FHIT: variants seen among roughly 807,000 people sequenced by gnomAD.
FHIT encodes bis(5'-adenosyl)-triphosphatase.
FHIT carries 19 observed loss-of-function variants against 17.9 expected under a neutral mutation model. The observed-to-expected ratio is 1.06, with a 90% CI of 0.74 to 1.56. FHIT has a LOEUF of 1.56. FHIT is among the 40% of genes most tolerant of loss of function. FHIT has a pLI of 0.00. For missense variants in FHIT, 248 were observed against 189.2 expected (o/e 1.31, Z -1.82); for synonymous variants, 81 against 69.7 (o/e 1.16, Z -0.81).
Position 60,371,178 on chromosome 3 carries a change from C to T in FHIT, c.103+165682G>A, listed in dbSNP as rs187029171. ...CTCTATTTGAAATGATCCATTTGTC[C>T]TCTATTAGACTGTAAATTCCCTATG... On this transcript the variant is annotated intron_variant, in intron 5 of 9. Coordinates refer to ENST00000492590, the MANE Select transcript of FHIT (RefSeq NM_002012.4). Among the ~76,000 whole-genome samples the T allele has an allele frequency of 1.5e-4, 23 of 152,224 alleles. 1 individual carries two copies. Among genetic ancestry groups the T allele is most frequent in the Admixed American group, 1.4e-3 (22 of 15,292 alleles).
intron 5 of FHIT, among the ~76,000 whole-genome samples, chr3:60,400,387 T>C (rs1329162903): frequency 1.3e-5 from 2 of 152,104 alleles, no homozygotes; most frequent in Non-Finnish European, 1.5e-5. Context: ...TATAAGAGGG[T>C]GGCCAAGTTC....
At chr3:60,201,419 G>C (rs1702900830) in intron 5 of FHIT, among the ~76,000 whole-genome samples, 1 of 151,984 alleles carries the variant, frequency 6.6e-6, no homozygotes, top group South Asian at 2.1e-4. Context: ...AGGCTCAAGT[G>C]ATCCTCCCAC....
At position 60,066,630 on chromosome 3, in the gene FHIT, A is replaced by ATTTTTTTTTTTTTTTTTTTTTTTTTTTTT. The variant is rs71089574; in HGVS notation, c.104-52507_104-52479dup. ...ATAGGTTGATTTTAATCCCTGACAA[A>ATTTTTTTTTTTTTTTTTTTTTTTTTTTTT]TTTTTTTTTTTTTTTTTTTTTTTTT... On this transcript the variant is annotated intron_variant, in intron 5 of 9. Transcript: ENST00000492590. Among the ~76,000 whole-genome samples, 3 of 51,374 alleles carry ATTTTTTTTTTTTTTTTTTTTTTTTTTTTT rather than the reference A, an allele frequency of 5.8e-5. 1 individual carries two copies. Among genetic ancestry groups the ATTTTTTTTTTTTTTTTTTTTTTTTTTTTT allele is most frequent in the Non-Finnish European group, 1.1e-4 (3 of 27,690 alleles). The allele number at this position is 51,374 out of a possible 152,430, so 33.7% of individuals were successfully genotyped here. A position where few individuals can be genotyped will look rare whatever the true frequency, so the allele number is the denominator to read the frequency against.
chr3:60,503,718 C>T (rs902822518), intron 5 of FHIT, among the ~76,000 whole-genome samples: 9 of 151,976 alleles, frequency 5.9e-5, no homozygotes, highest in Middle Eastern at 3.4e-3. Flanking sequence ...AAAAAACTTA[C>T]GGTATTAGGA....
At chr3:61,180,625 T>G (rs192404358) in intron 2 of FHIT, among the ~76,000 whole-genome samples, 3 of 152,346 alleles carry the variant, frequency 2.0e-5, no homozygotes, top group African/African-American at 7.2e-5. Context: ...AATACCGAGG[T>G]TATGTTTGTG....
At chr3:61,021,387 C>A (rs2032419799) in intron 3 of FHIT, among the ~76,000 whole-genome samples, 1 of 149,464 alleles carries the variant, frequency 6.7e-6, no homozygotes, top group African/African-American at 2.4e-5. Flanking sequence ...ATCACGAGGT[C>A]AGGAGATCGA....
At chr3:60,150,673 T>G (rs13094560) in intron 5 of FHIT, among the ~76,000 whole-genome samples, 110,034 of 152,080 alleles carry the variant, frequency 0.72, 41,295 homozygotes, top group Non-Finnish European at 0.83. Context: ...ATCCCAGAAC[T>G]TTAGGAGGCT....
At chr3:60,253,814 C>T (rs539398664) in intron 5 of FHIT, among the ~76,000 whole-genome samples, 4 of 152,296 alleles carry the variant, frequency 2.6e-5, no homozygotes, top group East Asian at 3.9e-4. Context: ...CAGGACAAAA[C>T]GTGGTATCCT....
At chr3:60,343,486 T>C (rs907757845) in intron 5 of FHIT, among the ~76,000 whole-genome samples, 1 of 152,158 alleles carries the variant, frequency 6.6e-6, no homozygotes. Context: ...TCTATGTAGG[T>C]ATGATGAAGA....
intron 4 of FHIT, among the ~76,000 whole-genome samples, chr3:60,789,362 C>T (rs1575527163): frequency 6.6e-6 from 1 of 151,916 alleles, no homozygotes; most frequent in Admixed American, 6.6e-5. Flanking sequence ...ACTGAAAATA[C>T]AAAAAATTAG....
In FHIT at chr3:59,910,957, C is replaced by A. The variant is rs117827170; in HGVS notation, c.348+11389G>T. 2.6e-4 allele frequency among the ~76,000 whole-genome samples: 40 copies of A among 152,222 alleles called. No homozygotes were observed. The East Asian group carries it at 7.7e-3, about 29-fold the overall frequency. On this transcript the variant is annotated intron_variant, in intron 8 of 9. Coordinates refer to ENST00000492590, the MANE Select transcript of FHIT (RefSeq NM_002012.4). ...TAGCCCAGAAAAATTAGAATTCATT[C>A]CAAACCACAGAAAATAATAAAAACA...
Position 60,047,163 on chromosome 3 carries a change from A to T in FHIT, c.104-33011T>A, listed in dbSNP as rs528340594. Among the ~76,000 whole-genome samples the T allele has an allele frequency of 1.1e-3, 171 of 152,370 alleles. 1 individual carries two copies. The highest frequency in any genetic ancestry group is 3.7e-3 in the African/African-American group (154 of 41,590). On this transcript the variant is annotated intron_variant, in intron 5 of 9. Transcript: ENST00000492590. ...CAAAACGTAACAGTCGGTGCACAGC[A>T]ATACTGCCCTCTGGTTTGTGAGGGC... is the stretch of plus-strand genomic sequence containing the variant.
At chr3:59,902,941 G>C (rs1223366893) in intron 8 of FHIT, among the ~76,000 whole-genome samples, 3 of 152,262 alleles carry the variant, frequency 2.0e-5, no homozygotes, top group South Asian at 4.1e-4. Context: ...GATCTTTACT[G>C]CTCTCACCAT....
In FHIT at chr3:60,197,049, A is replaced by T. The variant is rs531444230; in HGVS notation, c.104-182897T>A. On this transcript the variant is annotated intron_variant, in intron 5 of 9. Transcript: ENST00000492590. ...TAGACAGATAAAAGAACTGCTTTTC[A>T]AGTCGGTGTTCCCCATAGTGTGGTA... Among the ~76,000 whole-genome samples the T allele has an allele frequency of 2.8e-4, 43 of 152,198 alleles. 1 individual carries two copies. Among genetic ancestry groups the T allele is most frequent in the Admixed American group, 5.9e-4 (9 of 15,276 alleles).
chr3:59,927,463 T>TAAAAA (rs58083993), intron 7 of FHIT, among the ~76,000 whole-genome samples: 14,459 of 129,812 alleles, frequency 0.11, 844 homozygotes, highest in African/African-American at 0.16. Flanking sequence ...AGCTATTACT[T>TAAAAA]AAAAAAAAAA....
intron 5 of FHIT, among the ~76,000 whole-genome samples, chr3:60,275,968 A>G (rs1316750449): frequency 6.7e-6 from 1 of 148,752 alleles, no homozygotes. Flanking sequence ...TTTAAGCAGT[A>G]GTTTTGAGAA....
chr3:60,583,993 C>G (rs1553660686), intron 4 of FHIT, among the ~76,000 whole-genome samples: 4 of 152,102 alleles, frequency 2.6e-5, no homozygotes, highest in African/African-American at 7.2e-5. Context: ...CAGAAGGTCA[C>G]AGAGGGCTGT....
chr3:61,207,372 T>C (rs967475043), intron 1 of FHIT, among the ~76,000 whole-genome samples: 5 of 152,218 alleles, frequency 3.3e-5, no homozygotes, highest in African/African-American at 7.2e-5. Context: ...TTCTATTGAC[T>C]GGAATAGTTT....
chr3:59,974,294 C>T (rs758467236), intron 7 of FHIT, among the ~76,000 whole-genome samples: 4 of 152,164 alleles, frequency 2.6e-5, no homozygotes, highest in Non-Finnish European at 4.4e-5. Context: ...AGTTTTGCCT[C>T]ACTTCGTACA....
Sources: gnomAD v4.1 joint callset for allele counts (sites outside exome capture counted in the v4.1 genomes callset) on GRCh38, gnomAD v4.1.1 for gene constraint, MANE v1.5 for transcripts, NCBI Gene and HGNC (gene_info 2026-07-23, HGNC 2026-07-21) for gene names.